SEL1L3: variants seen among roughly 807,000 people sequenced by gnomAD.
SEL1L3 encodes protein sel-1 homolog 3.
In SEL1L3, 76 loss-of-function variants were observed where a neutral mutation model predicts 142.8. The observed-to-expected ratio is 0.53, with a 90% CI of 0.44 to 0.64. The LOEUF (loss-of-function observed/expected upper bound fraction) is 0.64, where lower values mean the gene tolerates loss of function less well. Ranked by LOEUF, SEL1L3 falls within the 30% of genes least tolerant of loss-of-function variation. The pLI, the probability that SEL1L3 is intolerant of heterozygous loss-of-function variation, is 0.00. For missense variants in SEL1L3, 1,262 were observed against 1,381.7 expected (o/e 0.91, Z 1.37); for synonymous variants, 504 against 519.6 (o/e 0.97, Z 0.41).
At chr4:25,796,195 GC>G (rs1344593457) in intron 11 of SEL1L3, among the ~76,000 whole-genome samples, 2 of 152,184 alleles carry the variant, frequency 1.3e-5, no homozygotes, top group African/African-American at 4.8e-5. Context: ...CCCAGAGAAG[GC>G]TCCACACTGT....
At chr4:25,844,753 C>T (rs963622663) in intron 2 of SEL1L3, among the ~76,000 whole-genome samples, 1 of 152,196 alleles carries the variant, frequency 6.6e-6, no homozygotes, top group Non-Finnish European at 1.5e-5. Context: ...GTGCCCCACG[C>T]TATCTTCCCC....
Position 25,801,674 on chromosome 4 carries a change from G to C in SEL1L3, c.1956+609C>G, listed in dbSNP as rs376430705. ...CCTGCAAAATTGGGGGCTGGAGTTAGTGTCCCTCATCTAGTCCTTCATCTG... is the reference window on the plus strand; with the variant it reads ...CCTGCAAAATTGGGGGCTGGAGTTACTGTCCCTCATCTAGTCCTTCATCTG... On this transcript the variant is annotated intron_variant, in intron 11 of 23. Transcript: ENST00000399878. Among the ~76,000 whole-genome samples, 86 of 152,302 alleles carry C rather than the reference G, an allele frequency of 5.6e-4. 2 individuals are homozygous for C. Among genetic ancestry groups the C allele is most frequent in the African/African-American group, 1.9e-3 (81 of 41,576 alleles).
intron 6 of SEL1L3, among the ~76,000 whole-genome samples, chr4:25,828,038 C>A (rs1324625089): frequency 6.6e-6 from 1 of 152,206 alleles, no homozygotes; most frequent in Non-Finnish European, 1.5e-5. Flanking sequence ...TATATAACAA[C>A]ACTCCTATGT....
At position 25,782,487 on chromosome 4, in the gene SEL1L3, T is replaced by C. The variant is rs2109172178; in HGVS notation, c.2281-69A>G. 3 of 1,364,478 alleles carry C rather than the reference T, an allele frequency of 2.2e-6. No individual in the cohort carries two copies. In the South Asian group the frequency reaches 4.0e-5, roughly 18 times the overall value. 84.5% of individuals were successfully genotyped at this position (1,364,478 alleles called of 1,614,324 possible). A position where few individuals can be genotyped will look rare whatever the true frequency, so the allele number is the denominator to read the frequency against. ...ATCTAGAGAGCTCTGGAAGCAATTATTGTGGAAGCATTCTGCCTAAGTCTG... is the reference window on the plus strand; with the variant it reads ...ATCTAGAGAGCTCTGGAAGCAATTACTGTGGAAGCATTCTGCCTAAGTCTG... On this transcript the variant is annotated intron_variant, in intron 14 of 23. Coordinates refer to ENST00000399878, the MANE Select transcript of SEL1L3 (RefSeq NM_015187.5).
At chr4:25,776,471 A>C in intron 16 of SEL1L3, 111 bp from the exon 17 acceptor site, 1 of 735,336 alleles carries the variant, frequency 1.4e-6, no homozygotes, top group East Asian at 2.7e-5. Context: ...GCTAGTTAGA[A>C]TTTTTATAGA....
rs1718651632 is a variant in SEL1L3 at position 25,765,405 on chromosome 4, T to C, written c.2876A>G (p.Tyr959Cys). ...AYLKMGDLYY[Y>C]GHQNQSQDLE... ...GTCTTGTGACTGGTTTTGGTGGCCA[T>C]AGTAGTAAAGGTCTCCCATCTTCAA... The change falls in exon 20 of 24, where the codon TAT becomes TGT. Residue 959 changes from tyrosine (Y) to cysteine (C), a missense_variant. Transcript: ENST00000399878. 7 of 1,613,356 alleles carry C rather than the reference T, an allele frequency of 4.3e-6. No individual in the cohort carries two copies. The highest frequency in any genetic ancestry group is 1.3e-5 in the African/African-American group (1 of 74,918).
the SEL1L3 span, among the ~76,000 whole-genome samples, chr4:25,729,814 G>A: frequency 6.6e-6 from 1 of 152,140 alleles, no homozygotes; most frequent in Non-Finnish European, 1.5e-5. Context: ...GTATCAATCG[G>A]AGGCTCCACT....
chr4:25,734,563 A>C, the SEL1L3 span, among the ~76,000 whole-genome samples: 5 of 151,590 alleles, frequency 3.3e-5, no homozygotes, highest in African/African-American at 1.2e-4. Context: ...TATTTGGTTA[A>C]GGATTTTTGT....
chr4:25,835,146 C>T, intron 3 of SEL1L3, 51 bp downstream of exon 3: 1 of 1,605,604 alleles, frequency 6.2e-7, no homozygotes, highest in Non-Finnish European at 8.5e-7. Flanking sequence ...CTCTGGTCCT[C>T]AAATAAAACA....
chr4:25,742,191 A>G, the SEL1L3 span, among the ~76,000 whole-genome samples: 1 of 151,832 alleles, frequency 6.6e-6, no homozygotes, highest in Non-Finnish European at 1.5e-5. Flanking sequence ...GTATTTATTT[A>G]TTTATTTATT....
chr4:25,779,228 C>T (rs1405529516), intron 15 of SEL1L3, 25 bp from the exon 16 acceptor site: 8 of 1,610,136 alleles, frequency 5.0e-6, no homozygotes, highest in East Asian at 4.5e-5. Context: ...GAACAAACAT[C>T]GAGTCATCCT....
At chr4:25,810,548 C>G (rs986474383) in intron 9 of SEL1L3, among the ~76,000 whole-genome samples, 1 of 152,194 alleles carries the variant, frequency 6.6e-6, no homozygotes, top group South Asian at 2.1e-4. Flanking sequence ...TACTAAAACA[C>G]CACCGTACTA....
At chr4:25,795,536 T>C (rs141007702) in intron 11 of SEL1L3, among the ~76,000 whole-genome samples, 2 of 152,342 alleles carry the variant, frequency 1.3e-5, no homozygotes, top group East Asian at 1.9e-4. Context: ...TTGACTTATC[T>C]GTGCTGTAAC....
At chr4:25,747,139 T>C (rs560061530), downstream of SEL1L3, among the ~76,000 whole-genome samples, 39 of 152,244 alleles carry the variant, frequency 2.6e-4, 1 homozygote, top group South Asian at 6.8e-3. Flanking sequence ...AGGAGGAGGA[T>C]GAACTACAAG....
chr4:25,724,203 G>A, the SEL1L3 span, among the ~76,000 whole-genome samples: 10 of 152,092 alleles, frequency 6.6e-5, no homozygotes, highest in African/African-American at 2.2e-4. Context: ...TGGATCACTT[G>A]AGGTCAGGAG....
intron 9 of SEL1L3, among the ~76,000 whole-genome samples, chr4:25,816,965 C>T (rs1714429559): frequency 6.6e-6 from 1 of 152,174 alleles, no homozygotes; most frequent in African/African-American, 2.4e-5. Context: ...ACTGACCACT[C>T]CCTTCTTTGT....
chr4:25,770,834 T>A (rs1299512725), intron 17 of SEL1L3, among the ~76,000 whole-genome samples: 1 of 151,346 alleles, frequency 6.6e-6, no homozygotes, highest in Non-Finnish European at 1.5e-5. Flanking sequence ...AATCACCCAA[T>A]GCGTGTACCA....
At chr4:25,826,723 T>C (rs924175091) in intron 6 of SEL1L3, among the ~76,000 whole-genome samples, 2 of 152,320 alleles carry the variant, frequency 1.3e-5, no homozygotes, top group Admixed American at 1.3e-4. Flanking sequence ...AGGGTCTCGC[T>C]CTGTCGCCCC....
intron 11 of SEL1L3, among the ~76,000 whole-genome samples, chr4:25,795,197 C>T (rs908738035): frequency 3.3e-5 from 5 of 152,034 alleles, no homozygotes; most frequent in Admixed American, 6.6e-5. Flanking sequence ...ACCTGTACCC[C>T]GGAACATAAA....
Sources: allele counts gnomAD v4.1 joint callset (sites outside exome capture counted in the v4.1 genomes callset), GRCh38; gene constraint gnomAD v4.1.1; transcripts MANE v1.5; gene names NCBI Gene and HGNC (gene_info 2026-07-23, HGNC 2026-07-21).